MCF2L: variants seen among roughly 807,000 people sequenced by gnomAD.
MCF2L encodes the protein MCF.2 cell line derived transforming sequence like.
A neutral mutation model predicts 153.4 loss-of-function variants in MCF2L; 97 were observed. The ratio of observed to expected loss-of-function variants is 0.63; its 90% CI spans 0.54 to 0.75. MCF2L has a LOEUF of 0.75. Among genes scored for constraint, MCF2L ranks in the 30% least tolerant of loss-of-function variants. MCF2L has a pLI of 0.00. For synonymous variants in MCF2L, 659 were observed against 632.2 expected (o/e 1.04, Z -0.64); for missense variants, 1,347 against 1,495.2 (o/e 0.90, Z 1.64).
rs1023811189 is a variant in MCF2L at position 113,081,288 on chromosome 13, G to A, written c.1875+9G>A. On this transcript the variant is annotated intron_variant, in intron 16 of 29. Transcript: ENST00000535094. ...TGCTGTGCGTCCTGGAGGTGAGGCT[G>A]GACTCGGGGAGGGCCGACTGCCACG... 6 of 1,579,184 alleles carry A rather than the reference G, an allele frequency of 3.8e-6. No individual in the cohort carries two copies. In the South Asian group the frequency reaches 5.8e-5, roughly 15 times the overall value.
At chr13:113,066,748 C>T (rs2032432282) in intron 8 of MCF2L, among the ~76,000 whole-genome samples, 1 of 152,048 alleles carries the variant, frequency 6.6e-6, no homozygotes, top group East Asian at 1.9e-4. Flanking sequence ...CCAAGACTCC[C>T]CAAGCCTCCC....
intron 23 of MCF2L, among the ~76,000 whole-genome samples, 173 bp downstream of exon 23, chr13:113,087,972 G>A (rs1056673748): frequency 5.3e-5 from 8 of 152,230 alleles, no homozygotes; most frequent in African/African-American, 1.4e-4. Context: ...AATGAAATGT[G>A]GGGAAAAGTA....
At position 113,035,659 on chromosome 13, in the gene MCF2L, G is replaced by A. The variant is rs2086111346; in HGVS notation, c.279-9612G>A. 1.3e-5 allele frequency among the ~76,000 whole-genome samples: 2 copies of A among 152,216 alleles called. No individual in the cohort carries two copies. Among genetic ancestry groups the A allele is most frequent in the Admixed American group, 1.3e-4 (2 of 15,280 alleles). ...ATGGATTCGGGTGGGCACAGGTCCT[G>A]CAGGGAGCTCCTGTGTTATCTGCCC... On this transcript the variant is annotated intron_variant, in intron 3 of 29. Transcript: ENST00000535094. This position sits in a 1 kb window ranked among gnomAD's most constrained non-coding sequence, Gnocchi z 4.4.
chr13:113,026,427 G>A (rs1352054986), intron 3 of MCF2L, among the ~76,000 whole-genome samples: 7 of 152,320 alleles, frequency 4.6e-5, no homozygotes, highest in Admixed American at 6.5e-5. Flanking sequence ...TCTGGGGTCC[G>A]AATCCAGCTT....
At chr13:112,978,213 G>A (rs769983690) in intron 1 of MCF2L, among the ~76,000 whole-genome samples, 15 of 152,222 alleles carry the variant, frequency 9.9e-5, no homozygotes, top group Admixed American at 9.8e-4. Flanking sequence ...CCAACAAAAC[G>A]GGGTTCGTGG....
chr13:113,072,754 G>A (rs954709166), intron 9 of MCF2L, among the ~76,000 whole-genome samples: 10 of 151,954 alleles, frequency 6.6e-5, no homozygotes, highest in African/African-American at 2.4e-4. Context: ...TGTCAATCTA[G>A]ATTGAGATGT....
chr13:113,044,283 A>G, intron 3 of MCF2L: 1 of 310,112 alleles, frequency 3.2e-6, no homozygotes, highest in Non-Finnish European at 6.4e-6. Flanking sequence ...CCCACCACAC[A>G]TGAACGTTCG....
intron 5 of MCF2L, among the ~76,000 whole-genome samples, chr13:113,062,976 C>G (rs1566827251): frequency 6.6e-6 from 1 of 152,200 alleles, no homozygotes; most frequent in Non-Finnish European, 1.5e-5. Flanking sequence ...CTACAATGAC[C>G]GCGGGGTATT....
chr13:112,933,199 T>G (rs548179572), intron 2 of MCF2L, among the ~76,000 whole-genome samples: 33 of 152,286 alleles, frequency 2.2e-4, no homozygotes, highest in Non-Finnish European at 3.7e-4. Flanking sequence ...GCTCCAGTTG[T>G]GTGTCTGATC....
At chr13:112,948,401 G>C (rs1273269113) in intron 2 of MCF2L, among the ~76,000 whole-genome samples, 3 of 152,038 alleles carry the variant, frequency 2.0e-5, no homozygotes, top group Admixed American at 1.3e-4. Context: ...TTTACCATAA[G>C]CAGTTAAGGA....
At chr13:113,073,896 C>T (rs568078898) in intron 9 of MCF2L, among the ~76,000 whole-genome samples, 1 of 149,638 alleles carries the variant, frequency 6.7e-6, no homozygotes, top group Admixed American at 6.7e-5. Context: ...GCCTGGGCAA[C>T]AAGAACAAAA....
intron 2 of MCF2L, among the ~76,000 whole-genome samples, chr13:112,953,653 A>G (rs2140720869): frequency 6.6e-6 from 1 of 152,338 alleles, no homozygotes; most frequent in South Asian, 2.1e-4. Context: ...GCAGGAGACC[A>G]GCTCAGTCTA....
In MCF2L at chr13:113,075,195, C is replaced by T; in HGVS notation, c.1308+6C>T. 6.3e-7 allele frequency: 1 copy of T among 1,581,148 alleles called. No individual in the cohort carries two copies. On this transcript the variant is annotated splice_donor_region_variant and intron_variant, in intron 11 of 29. Coordinates refer to ENST00000535094, the MANE Select transcript of MCF2L (RefSeq NM_001112732.3). ...TGCACCGCCGCCTGGAGACGGTAGGCCGAGCCGGACCCCACCCCACTCCCC... is the reference window on the plus strand; with the variant it reads ...TGCACCGCCGCCTGGAGACGGTAGGTCGAGCCGGACCCCACCCCACTCCCC...
chr13:113,067,471 CGCGG>C (rs2141859707), intron 8 of MCF2L, among the ~76,000 whole-genome samples: 1 of 46,084 alleles, frequency 2.2e-5, no homozygotes, highest in East Asian at 9.7e-4. Context: ...GTCCCAGCTA[CGCGG>C]AGGCAGAGGT....
At chr13:113,080,322 C>T (rs974332892) in intron 15 of MCF2L, among the ~76,000 whole-genome samples, 4 of 152,080 alleles carry the variant, frequency 2.6e-5, no homozygotes, top group Middle Eastern at 3.4e-3. Context: ...GGCAGAGGGG[C>T]GTCCGCAGGG....
chr13:112,987,357 C>T (rs2082691969), intron 1 of MCF2L, among the ~76,000 whole-genome samples: 1 of 130,920 alleles, frequency 7.6e-6, no homozygotes. Flanking sequence ...CCCTGATCCA[C>T]CCAGCACAAG....
Position 113,033,642 on chromosome 13 carries a change from C to G in MCF2L, c.278+8884C>G, listed in dbSNP as rs78366712. 4.6e-3 allele frequency among the ~76,000 whole-genome samples: 696 copies of G among 152,266 alleles called. 26 individuals are homozygous for G. The East Asian group carries it at 0.092, about 20-fold the overall frequency. On this transcript the variant is annotated intron_variant, in intron 3 of 29. Transcript: ENST00000535094. ...CTCCAGCTGGGTGATTTCCCCCCCC[C>G]ACCCCAACGGAGTTGGCAGTTTCAG...
chr13:113,017,159 G>A (rs141833114), intron 2 of MCF2L, among the ~76,000 whole-genome samples: 2 of 152,330 alleles, frequency 1.3e-5, no homozygotes, highest in East Asian at 3.9e-4. Context: ...TCCTCACCAC[G>A]TCCAGCACTG....
Position 113,075,208 on chromosome 13 carries a change from C to A in MCF2L, c.1308+19C>A, listed in dbSNP as rs550761066. 1.3e-6 allele frequency: 2 copies of A among 1,569,396 alleles called. No homozygotes were observed. The highest frequency in any genetic ancestry group is 3.5e-5 in the Admixed American group (2 of 57,554). Reference sequence around the variant, plus strand: ...GGAGACGGTAGGCCGAGCCGGACCCCACCCCACTCCCCCCCAGCTGCGGAA... The same window carrying A: ...GGAGACGGTAGGCCGAGCCGGACCCAACCCCACTCCCCCCCAGCTGCGGAA... On this transcript the variant is annotated intron_variant, in intron 11 of 29. Transcript: ENST00000535094.
Sources: allele counts gnomAD v4.1 joint callset (sites outside exome capture counted in the v4.1 genomes callset), GRCh38; gene constraint gnomAD v4.1.1; non-coding constraint Gnocchi (gnomAD v3.1); transcripts MANE v1.5; gene names NCBI Gene and HGNC (gene_info 2026-07-23, HGNC 2026-07-21).